SLC9A7: variants seen among roughly 807,000 people sequenced by gnomAD.
SLC9A7 encodes sodium/hydrogen exchanger 7.
A neutral mutation model predicts 52.6 loss-of-function variants in SLC9A7; 19 were observed. The observed-to-expected ratio is 0.36, with a 90% CI of 0.25 to 0.53. The LOEUF (loss-of-function observed/expected upper bound fraction) is 0.53. SLC9A7 is among the 20% of genes least tolerant of loss of function. The probability of loss-of-function intolerance (pLI) is 0.91; values close to 1 mark genes in which losing one functional copy is unlikely to be tolerated. For synonymous variants in SLC9A7, 226 were observed against 252.1 expected (o/e 0.90, Z 0.98); for missense variants, 455 against 597.9 (o/e 0.76, Z 2.49).
At chrX:46,639,125 A>G (rs1290190452) in intron 12 of SLC9A7, among the ~76,000 whole-genome samples, 1 of 112,068 alleles carries the variant, frequency 8.9e-6, no homozygotes, top group African/African-American at 3.2e-5. Flanking sequence ...ATATCAATTG[A>G]TACAGAAAAA....
intron 1 of SLC9A7, among the ~76,000 whole-genome samples, chrX:46,750,610 A>G (rs1474143827): frequency 2.7e-5 from 3 of 112,224 alleles, no homozygotes; most frequent in Non-Finnish European, 5.6e-5. Context: ...TCGGCCTCCC[A>G]AAGTGCTAGA....
chrX:46,756,401 T>C (rs1270050310), intron 1 of SLC9A7, among the ~76,000 whole-genome samples: 1 of 112,543 alleles, frequency 8.9e-6, no homozygotes, highest in African/African-American at 3.2e-5. Context: ...GTAGTAATCA[T>C]TTCATTGTGT....
intron 7 of SLC9A7, among the ~76,000 whole-genome samples, chrX:46,655,954 G>C (rs916421505): frequency 8.9e-6 from 1 of 111,840 alleles, no homozygotes; most frequent in Non-Finnish European, 1.9e-5. Flanking sequence ...AGTAACCTCC[G>C]CAGACTTAAA....
chrX:46,659,324 G>A (rs1312953928), intron 7 of SLC9A7, among the ~76,000 whole-genome samples: 6 of 99,614 alleles, frequency 6.0e-5, no homozygotes, highest in Admixed American at 3.4e-4. Context: ...AGACAGGGAT[G>A]CCCTCTCTCA....
chrX:46,715,535 A>T (rs1013930234), intron 1 of SLC9A7, among the ~76,000 whole-genome samples: 8 of 111,632 alleles, frequency 7.2e-5, no homozygotes, highest in African/African-American at 2.3e-4. Flanking sequence ...TAAATTCTGA[A>T]TCTAATCAAA....
intron 1 of SLC9A7, among the ~76,000 whole-genome samples, chrX:46,721,608 T>C (rs1411956481): frequency 7.2e-5 from 8 of 111,642 alleles, no homozygotes; most frequent in Non-Finnish European, 1.5e-4. Context: ...AGATGCTGCA[T>C]GGGTTTATTA....
At chrX:46,621,316 T>C (rs971765561) in intron 14 of SLC9A7, among the ~76,000 whole-genome samples, 3 of 112,256 alleles carry the variant, frequency 2.7e-5, no homozygotes, top group Non-Finnish European at 3.8e-5. Flanking sequence ...ACAACATTTC[T>C]TTTGGCATTC....
intron 1 of SLC9A7, among the ~76,000 whole-genome samples, chrX:46,739,468 C>CTT (rs1441550060): frequency 3.6e-5 from 4 of 110,730 alleles, no homozygotes; most frequent in African/African-American, 1.3e-4. Context: ...CTCTCTCTCT[C>CTT]TGGTGGTGGC....
intron 1 of SLC9A7, among the ~76,000 whole-genome samples, chrX:46,742,293 C>T (rs929437130): frequency 9.0e-6 from 1 of 111,040 alleles, no homozygotes; most frequent in African/African-American, 3.3e-5. Context: ...TAAAAACTTA[C>T]ATTCATACAA....
At position 46,682,461 on chromosome X, in the gene SLC9A7, G is replaced by C. The variant is rs1944224903; in HGVS notation, c.400C>G (p.Gln134Glu). 2 of 1,211,094 alleles carry C rather than the reference G, an allele frequency of 1.7e-6. No homozygotes were observed. Among genetic ancestry groups the C allele is most frequent in the East Asian group, 5.9e-5 (2 of 33,832 alleles). Residue 134 changes from glutamine (Q) to glutamate (E), a missense_variant, in exon 2 of 17, where the codon CAG becomes GAG. Physicochemically the swap from Gln to Glu is conservative, Grantham distance 29 (BLOSUM62 2). Around this residue, in one of 3 missense-constraint regions of SLC9A7, gnomAD observed 304 missense variants for 417.8 expected, o/e 0.73. Coordinates refer to ENST00000616978, the MANE Select transcript of SLC9A7 (RefSeq NM_001257291.2). ...SGRDKSLSCTQEDRAFSTLLV... is the reference protein window; with the variant it reads ...SGRDKSLSCTEEDRAFSTLLV... The stretch of plus-strand genomic sequence containing the variant: ...AAGGTACTGAAGGCCCTGTCTTCCT[G>C]AGTGCAGCTGAGTGATTTGTCACGG...
At chrX:46,690,381 C>A (rs1316444113) in intron 1 of SLC9A7, among the ~76,000 whole-genome samples, 4 of 112,453 alleles carry the variant, frequency 3.6e-5, no homozygotes, top group Non-Finnish European at 5.6e-5. Flanking sequence ...AATCCTAATA[C>A]CCTCTTCAGA....
intron 16 of SLC9A7, among the ~76,000 whole-genome samples, chrX:46,610,706 G>A (rs1176307074): frequency 1.8e-5 from 2 of 111,896 alleles, no homozygotes; most frequent in Non-Finnish European, 3.8e-5. Context: ...GGGAGTCACA[G>A]CTGAAACATG....
At chrX:46,722,954 A>C (rs146490296) in intron 1 of SLC9A7, among the ~76,000 whole-genome samples, 3 of 111,944 alleles carry the variant, frequency 2.7e-5, no homozygotes, top group African/African-American at 9.7e-5. Flanking sequence ...CAACTTGATC[A>C]ACCTATTTTA....
chrX:46,674,226 T>C (rs747192093), intron 3 of SLC9A7, among the ~76,000 whole-genome samples: 6 of 111,595 alleles, frequency 5.4e-5, no homozygotes, highest in African/African-American at 2.0e-4. Flanking sequence ...ATTAGATAAA[T>C]ACATATTCAT....
At chrX:46,615,772 G>T (rs1418844038) in intron 15 of SLC9A7, among the ~76,000 whole-genome samples, 2 of 109,283 alleles carry the variant, frequency 1.8e-5, no homozygotes, top group Non-Finnish European at 3.8e-5. Flanking sequence ...AGTTGTTCTG[G>T]TAATTACATT....
At chrX:46,726,114 G>A (rs1035229392) in intron 1 of SLC9A7, among the ~76,000 whole-genome samples, 2 of 110,792 alleles carry the variant, frequency 1.8e-5, no homozygotes, top group African/African-American at 6.6e-5. Context: ...TGGACCAGGA[G>A]CCATGGCTCA....
chrX:46,680,165 A>G (rs1294671461), intron 2 of SLC9A7, among the ~76,000 whole-genome samples: 1 of 110,090 alleles, frequency 9.1e-6, no homozygotes, highest in East Asian at 2.8e-4. Flanking sequence ...CCTGGCCAAT[A>G]TGGTGAAACC....
At chrX:46,693,611 G>C (rs1944410095) in intron 1 of SLC9A7, among the ~76,000 whole-genome samples, 1 of 108,435 alleles carries the variant, frequency 9.2e-6, no homozygotes, top group African/African-American at 3.3e-5. Context: ...GTTCAAAATG[G>C]GTCAAAGACC....
Position 46,640,311 on chromosome X carries a change from T to C in SLC9A7, c.1616+2925A>G, listed in dbSNP as rs941691787. Among the ~76,000 whole-genome samples, 4 of 112,379 alleles carry C rather than the reference T, an allele frequency of 3.6e-5. No homozygotes were observed. The Admixed American group carries it at 3.8e-4, about 11-fold the overall frequency. The stretch of plus-strand genomic sequence containing the variant: ...GCAAAATTAATTCAATGGAGTAGGA[T>C]AGTCTTTTTAACATATTATGCTAGA... On this transcript the variant is annotated intron_variant, in intron 12 of 16. Transcript: ENST00000616978.
Sources: gnomAD v4.1 joint callset for allele counts (sites outside exome capture counted in the v4.1 genomes callset) on GRCh38, gnomAD v4.1.1 for gene constraint, gnomAD v4.1.1 regional missense constraint, MANE v1.5 for transcripts, NCBI Gene and HGNC (gene_info 2026-07-23, HGNC 2026-07-21) for gene names.